TRPV1: variants seen among roughly 807,000 people sequenced by gnomAD.
The protein encoded by TRPV1 is OTRPC1.
TRPV1 carries 82 observed loss-of-function variants against 82.3 expected under a neutral mutation model. The ratio of observed to expected loss-of-function variants is 1.00; its 90% CI spans 0.83 to 1.20. The LOEUF is 1.20. Among genes scored for constraint, TRPV1 ranks in the 50% most tolerant of loss-of-function variants. The pLI, the probability that TRPV1 is intolerant of heterozygous loss-of-function variation, is 0.00. For synonymous variants in TRPV1, 515 were observed against 467.7 expected (o/e 1.10, Z -1.30); for missense variants, 1,067 against 1,096.8 (o/e 0.97, Z 0.38).
chr17:3,584,538 T>A (rs1238188804), intron 9 of TRPV1, among the ~76,000 whole-genome samples: 1 of 152,070 alleles, frequency 6.6e-6, no homozygotes, highest in Non-Finnish European at 1.5e-5. Context: ...GGCTCACACC[T>A]GTAATCCAAG....
chr17:3,585,853 C>T lies in TRPV1; in HGVS notation c.1298G>A (p.Arg433His), dbSNP rs1029040864. 14 of 1,613,962 alleles carry T rather than the reference C, an allele frequency of 8.7e-6. No homozygotes were observed. The highest frequency in any genetic ancestry group is 4.4e-5 in the South Asian group (4 of 91,068). ...GACCAGGAAGTTGAAGTAGAAGATG[C>T]GCTTGACGAATCTGTCCCACTTGTC... ...LQDKWDRFVK[R>H]IFYFNFLVYC... Residue 433 changes from arginine to histidine, a missense_variant, in exon 9 of 17, where the codon CGC becomes CAC. Coordinates refer to ENST00000572705, the MANE Select transcript of TRPV1 (RefSeq NM_080704.4).
chr17:3,608,353 C>G (rs973934375), intron 2 of TRPV1, 74 bp downstream of exon 2: 1 of 152,086 alleles, frequency 6.6e-6, no homozygotes, highest in Non-Finnish European at 1.5e-5. Flanking sequence ...TTTGGCATAT[C>G]CGAACAGCCA....
intron 2 of TRPV1, among the ~76,000 whole-genome samples, chr17:3,594,354 G>A (rs2075199382): frequency 6.7e-6 from 1 of 148,802 alleles, no homozygotes; most frequent in African/African-American, 2.5e-5. Context: ...TATATAATCA[G>A]GCAATCTCCC....
intron 16 of TRPV1, among the ~76,000 whole-genome samples, chr17:3,569,889 G>A (rs2074824148): frequency 6.6e-6 from 1 of 151,904 alleles, no homozygotes; most frequent in Admixed American, 6.6e-5. Flanking sequence ...AACAGAATAG[G>A]GGCCAAGGGG....
At position 3,592,267 on chromosome 17, in the gene TRPV1, G is replaced by T. The variant is rs2075169217; in HGVS notation, c.84C>A (p.Asp28Glu). 2 of 1,607,968 alleles carry T rather than the reference G, an allele frequency of 1.2e-6. No individual in the cohort carries two copies. Among genetic ancestry groups the T allele is most frequent in the Non-Finnish European group, 1.7e-6 (2 of 1,177,258 alleles). Residue 28 changes from aspartate to glutamate, a missense_variant, in exon 3 of 17, where the codon GAC (aspartate) becomes GAA (glutamate). Physicochemically the swap from Asp to Glu is conservative, Grantham distance 45. Coordinates refer to ENST00000572705, the MANE Select transcript of TRPV1 (RefSeq NM_080704.4). ...KDTCPDPLDG[D>E]PNSRPPPAKP... ...TGGCTGGAGGTGGCCTGGAGTTAGG[G>T]TCTCCATCCAGGGGGTCTGGGCAGG...
chr17:3,587,129 T>TC (rs1309240602), intron 8 of TRPV1, among the ~76,000 whole-genome samples: 7 of 152,124 alleles, frequency 4.6e-5, no homozygotes, highest in Non-Finnish European at 1.0e-4. Context: ...CCAGAGCCTC[T>TC]CCCCCAGGTC....
intron 2 of TRPV1, among the ~76,000 whole-genome samples, chr17:3,601,395 A>T (rs74844450): frequency 0.017 from 2,500 of 150,710 alleles, 44 homozygotes; most frequent in African/African-American, 0.045. Context: ...CTGAGCCCAC[A>T]GACCCAGTCT....
chr17:3,573,698 T>A lies in TRPV1; in HGVS notation c.2038A>T (p.Ile680Phe). The A allele has an allele frequency of 6.2e-7, 1 of 1,614,016 alleles. No individual in the cohort carries two copies. The highest frequency in any genetic ancestry group is 8.5e-7 in the Non-Finnish European group (1 of 1,180,002). ...TTGACAGTCTCACCCATGAGGGCGATGAGCATGTTGAGCAGGAGGATGTAG... is the reference window on the plus strand; with the variant it reads ...TTGACAGTCTCACCCATGAGGGCGAAGAGCATGTTGAGCAGGAGGATGTAG... ...LTYILLLNML[I>F]ALMGETVNKI... Residue 680 changes from isoleucine (I) to phenylalanine (F), a missense_variant, in exon 14 of 17, where the codon ATC (isoleucine) becomes TTC (phenylalanine). By Grantham distance (21) the Ile-to-Phe change is conservative (BLOSUM62 0). Coordinates refer to ENST00000572705, the MANE Select transcript of TRPV1 (RefSeq NM_080704.4).
At chr17:3,590,138 G>C in intron 6 of TRPV1, 33 bp from the exon 7 acceptor site, 2 of 1,589,310 alleles carry the variant, frequency 1.3e-6, no homozygotes, top group South Asian at 2.3e-5. Flanking sequence ...TGGGCCTCAG[G>C]AGTGAGATCC....
chr17:3,577,794 A>G (rs201806357), intron 11 of TRPV1, 31 bp from the exon 12 acceptor site: 59 of 1,569,056 alleles, frequency 3.8e-5, no homozygotes, highest in Non-Finnish European at 4.9e-5. Context: ...AGCTCCGTCT[A>G]CGGGAACCCA....
At chr17:3,606,040 C>T (rs968474984) in intron 2 of TRPV1, among the ~76,000 whole-genome samples, 3 of 152,164 alleles carry the variant, frequency 2.0e-5, no homozygotes, top group Non-Finnish European at 4.4e-5. Context: ...CTCACTGCAA[C>T]CTCCGCCTTC....
At chr17:3,599,619 C>CTT (rs1194851587) in intron 2 of TRPV1, among the ~76,000 whole-genome samples, 2 of 146,352 alleles carry the variant, frequency 1.4e-5, no homozygotes, top group African/African-American at 5.1e-5. Flanking sequence ...AGAGAATTTC[C>CTT]TTTTTTTCTT....
In TRPV1 at chr17:3,566,959, G is replaced by A. The variant is rs757464155; in HGVS notation, c.2376C>T (p.Ala792=). Residue 792 remains alanine, a synonymous_variant, in exon 17 of 17, where the codon GCC becomes GCT. Coordinates refer to ENST00000572705, the MANE Select transcript of TRPV1 (RefSeq NM_080704.4). ...TTGCCTCTCTTAAAAGGGGGACCAG[G>A]GCAAAGTTCTTCCAGTGTCTGCCTG... ...RVSGRHWKNF[A]LVPLLREASA... 1.9e-6 allele frequency: 3 copies of A among 1,613,854 alleles called. No homozygotes were observed. The highest frequency in any genetic ancestry group is 2.5e-6 in the Non-Finnish European group (3 of 1,179,862).
rs779006321 is a variant in TRPV1 at position 3,580,539 on chromosome 17, C to G, written c.1477-12G>C. ...AGGAAATACTGAATCTGCAGGTAAA[C>G]AGAGAGAGTAAGATCCCAGGCAATG... On this transcript the variant is annotated splice_polypyrimidine_tract_variant and intron_variant, in intron 10 of 16. Coordinates refer to ENST00000572705, the MANE Select transcript of TRPV1 (RefSeq NM_080704.4). 5.6e-6 allele frequency: 9 copies of G among 1,613,852 alleles called. No homozygotes were observed. Among genetic ancestry groups the G allele is most frequent in the South Asian group, 2.2e-5 (2 of 91,088 alleles).
At chr17:3,593,120 G>C (rs879823623) in intron 2 of TRPV1, among the ~76,000 whole-genome samples, 1,719 of 87,358 alleles carry the variant, frequency 0.02, 34 homozygotes, top group South Asian at 0.097. Context: ...GTGTGTGTGT[G>C]TGTGTGTGTG....
chr17:3,593,128 GTGTGTGTGTC>G lies in TRPV1; in HGVS notation c.-33-755_-33-746del, dbSNP rs879508097. Among the ~76,000 whole-genome samples the G allele has an allele frequency of 9.2e-3, 404 of 43,992 alleles. 1 individual carries two copies. The highest frequency in any genetic ancestry group is 0.02 in the African/African-American group (114 of 5,660). 28.9% of individuals were successfully genotyped at this position (43,992 alleles called of 152,430 possible). Reference sequence around the variant, plus strand: ...TGTGTGTGTGTGTGTGTGTGTGTGTGTGTGTGTGTCTGTGTGTCTCACTCTGTCGCCCAGA... The same window carrying G: ...TGTGTGTGTGTGTGTGTGTGTGTGTGTGTGTGTCTCACTCTGTCGCCCAGA... On this transcript the variant is annotated intron_variant, in intron 2 of 16. Coordinates refer to ENST00000572705, the MANE Select transcript of TRPV1 (RefSeq NM_080704.4).
At chr17:3,583,862 C>T (rs1228189357) in intron 9 of TRPV1, among the ~76,000 whole-genome samples, 1 of 152,222 alleles carries the variant, frequency 6.6e-6, no homozygotes, top group Non-Finnish European at 1.5e-5. Context: ...CTGTGCCACA[C>T]ACACTTGTGG....
At chr17:3,567,115 T>G in intron 16 of TRPV1, 128 bp from the exon 17 acceptor site, 1 of 1,087,132 alleles carries the variant, frequency 9.2e-7, no homozygotes, top group Non-Finnish European at 1.3e-6. Context: ...CCCAGCACTT[T>G]GGGAGGCCGA....
At chr17:3,577,055 C>G in intron 13 of TRPV1, 71 bp downstream of exon 13, 1 of 1,497,142 alleles carries the variant, frequency 6.7e-7, no homozygotes, top group Non-Finnish European at 9.1e-7. Flanking sequence ...CATTCAGCTC[C>G]TGGCAGAGTC....
Sources: gnomAD v4.1 joint callset for allele counts (sites outside exome capture counted in the v4.1 genomes callset) on GRCh38, gnomAD v4.1.1 for gene constraint, MANE v1.5 for transcripts, NCBI Gene and HGNC (gene_info 2026-07-23, HGNC 2026-07-21) for gene names.